Variants in BCL2L13 observed in about 807,000 individuals in gnomAD.
BCL2L13 encodes BCL2 like 13.
Under a neutral mutation model 25.8 loss-of-function variants are expected in BCL2L13, and 13 were observed. That is an observed-to-expected ratio of 0.50 (90% confidence interval 0.33 to 0.80). The LOEUF is 0.80. BCL2L13 is among the 30% of genes least tolerant of loss of function. The pLI, the probability that BCL2L13 is intolerant of heterozygous loss-of-function variation, is 0.02. For missense variants in BCL2L13, 504 were observed against 574.9 expected (o/e 0.88, Z 1.26); for synonymous variants, 244 against 230.3 (o/e 1.06, Z -0.54).
intron 6 of BCL2L13, among the ~76,000 whole-genome samples, chr22:17,720,357 T>C (rs932402663): frequency 1.4e-4 from 22 of 152,110 alleles, no homozygotes; most frequent in Non-Finnish European, 2.6e-4. Flanking sequence ...TTTAAATTTT[T>C]TAATTTTTCT....
chr22:17,720,948 C>T (rs895680196), intron 6 of BCL2L13, among the ~76,000 whole-genome samples: 1 of 151,828 alleles, frequency 6.6e-6, no homozygotes, highest in Non-Finnish European at 1.5e-5. Flanking sequence ...GGGTGGATCA[C>T]GAGGTCAGGA....
chr22:17,649,036 A>G (rs1246221781), intron 1 of BCL2L13, among the ~76,000 whole-genome samples: 1 of 152,072 alleles, frequency 6.6e-6, no homozygotes, highest in Non-Finnish European at 1.5e-5. Context: ...CCTGGGGTCA[A>G]GCTTGCTTCC....
chr22:17,724,196 C>G (rs1038089660), intron 6 of BCL2L13, among the ~76,000 whole-genome samples: 4 of 150,912 alleles, frequency 2.7e-5, no homozygotes, highest in African/African-American at 9.9e-5. Flanking sequence ...TCCCTTGGGA[C>G]CAGAAGGTTG....
At chr22:17,719,827 C>CAAAAAAA (rs60474373) in intron 6 of BCL2L13, among the ~76,000 whole-genome samples, 29 of 91,076 alleles carry the variant, frequency 3.2e-4, no homozygotes, top group East Asian at 1.3e-3. Context: ...GACTCCATCT[C>CAAAAAAA]AAAAAAAAAA....
intron 1 of BCL2L13, among the ~76,000 whole-genome samples, chr22:17,644,965 A>G (rs1199808412): frequency 6.6e-6 from 1 of 150,494 alleles, no homozygotes; most frequent in Non-Finnish European, 1.5e-5. Context: ...ACACGCCACC[A>G]TGCCTGGCTA....
chr22:17,674,361 C>T (rs1485095534), intron 2 of BCL2L13, among the ~76,000 whole-genome samples: 2 of 152,032 alleles, frequency 1.3e-5, no homozygotes, highest in Non-Finnish European at 2.9e-5. Flanking sequence ...GGCTTACGCA[C>T]TTTGGGAGGC....
chr22:17,676,767 A>G (rs2059586667), intron 2 of BCL2L13, among the ~76,000 whole-genome samples: 1 of 152,214 alleles, frequency 6.6e-6, no homozygotes, highest in Admixed American at 6.5e-5. Flanking sequence ...CTAAAGGGAA[A>G]ACCTGTTATA....
chr22:17,675,072 GTA>G (rs1298275707), intron 2 of BCL2L13, among the ~76,000 whole-genome samples: 2 of 87,804 alleles, frequency 2.3e-5, no homozygotes, highest in East Asian at 5.4e-4. Flanking sequence ...ACATACATAT[GTA>G]TACACACACA....
At chr22:17,723,938 A>G (rs900739165) in intron 6 of BCL2L13, among the ~76,000 whole-genome samples, 30 of 151,722 alleles carry the variant, frequency 2.0e-4, no homozygotes, top group Middle Eastern at 3.4e-3. Context: ...TCTCAAAAAA[A>G]AAACAAAAAA....
rs367636182 is a variant in BCL2L13 at position 17,726,659 on chromosome 22, C to T, written c.601-18C>T. On this transcript the variant is annotated intron_variant, in intron 6 of 6. Coordinates refer to ENST00000317582, the MANE Select transcript of BCL2L13 (RefSeq NM_015367.4). ...TAGTTACCATTCTTTATTATTGACGCTTGTCCTTCGTTTCTAGGGCACTGT... is the reference window on the plus strand; with the variant it reads ...TAGTTACCATTCTTTATTATTGACGTTTGTCCTTCGTTTCTAGGGCACTGT... The T allele has an allele frequency of 1.7e-5, 27 of 1,598,234 alleles. No homozygotes were observed. In the African/African-American group the frequency reaches 2.1e-4, roughly 13 times the overall value.
intron 6 of BCL2L13, among the ~76,000 whole-genome samples, chr22:17,706,344 T>C (rs1271386661): frequency 3.3e-5 from 5 of 151,464 alleles, no homozygotes; most frequent in South Asian, 2.1e-4. Flanking sequence ...TTTTTTTTTT[T>C]CACTCTGCCT....
intron 4 of BCL2L13, among the ~76,000 whole-genome samples, chr22:17,695,512 G>A (rs2060238437): frequency 6.6e-6 from 1 of 152,056 alleles, no homozygotes; most frequent in Non-Finnish European, 1.5e-5. Flanking sequence ...AGTAGAGACG[G>A]GGTTTCACCA....
At chr22:17,667,807 T>C (rs1028789678) in intron 2 of BCL2L13, among the ~76,000 whole-genome samples, 2 of 151,386 alleles carry the variant, frequency 1.3e-5, no homozygotes, top group Admixed American at 6.6e-5. Flanking sequence ...CCGCGGGCAG[T>C]TGTAAGAATT....
chr22:17,638,726 G>T (rs956655492), upstream of BCL2L13: 1 of 1,231,690 alleles, frequency 8.1e-7, no homozygotes, highest in Non-Finnish European at 1.0e-6. Context: ...CCCCGACGCC[G>T]GCCGTGACGA....
chr22:17,646,383 A>C (rs2058472462), intron 1 of BCL2L13, among the ~76,000 whole-genome samples: 1 of 151,182 alleles, frequency 6.6e-6, no homozygotes, highest in Non-Finnish European at 1.5e-5. Context: ...AGTAGCTGGG[A>C]TTACAGGTGT....
chr22:17,638,753 C>G, upstream of BCL2L13: 6 of 1,231,682 alleles, frequency 4.9e-6, no homozygotes, highest in Non-Finnish European at 6.1e-6. Context: ...GCCGGGGTGA[C>G]CTCACCCTCC....
chr22:17,672,129 G>A (rs148340622), intron 2 of BCL2L13, among the ~76,000 whole-genome samples: 63 of 152,256 alleles, frequency 4.1e-4, no homozygotes, highest in African/African-American at 1.4e-3. Flanking sequence ...TTTTTGATTT[G>A]ATTGTAATTA....
chr22:17,635,856 C>T (rs550169169), upstream of BCL2L13, among the ~76,000 whole-genome samples: 22 of 141,616 alleles, frequency 1.6e-4, no homozygotes, highest in East Asian at 2.2e-3. Flanking sequence ...ACTGAAGGTG[C>T]GCGCCACCAT....
chr22:17,647,852 G>T (rs2058546530), intron 1 of BCL2L13, among the ~76,000 whole-genome samples: 1 of 152,188 alleles, frequency 6.6e-6, no homozygotes, highest in African/African-American at 2.4e-5. Context: ...AGTCCCTCCG[G>T]GCGCAGTGGC....
Sources: gnomAD v4.1 joint callset for allele counts (sites outside exome capture counted in the v4.1 genomes callset) on GRCh38, gnomAD v4.1.1 for gene constraint, MANE v1.5 for transcripts, NCBI Gene and HGNC (gene_info 2026-07-23, HGNC 2026-07-21) for gene names.